The following CPA6 variants were observed in gnomAD, a reference collection of about 807,000 sequenced individuals.
The protein encoded by CPA6 is carboxypeptidase A6.
In CPA6, 58 loss-of-function variants were observed where a neutral mutation model predicts 63.3. The observed-to-expected ratio is 0.92, with a 90% CI of 0.74 to 1.14. The LOEUF is 1.14. Among genes scored for constraint, CPA6 ranks in the 50% most tolerant of loss-of-function variants. The probability of loss-of-function intolerance (pLI) is 0.00; values close to 1 mark genes in which losing one functional copy is unlikely to be tolerated. For missense variants in CPA6, 565 were observed against 526.6 expected, an observed-to-expected ratio of 1.07 and a Z score of -0.71; for synonymous variants, 185 against 179.0, an observed-to-expected ratio of 1.03 and a Z score of -0.27.
chr8:67,670,381 C>T (rs916725373), intron 1 of CPA6, among the ~76,000 whole-genome samples: 4 of 152,106 alleles, frequency 2.6e-5, no homozygotes, highest in Admixed American at 6.5e-5. Context: ...CTTACTATCA[C>T]GAGAGCAGCA....
chr8:67,685,061 C>T (rs1414212700), intron 1 of CPA6, among the ~76,000 whole-genome samples: 3 of 152,088 alleles, frequency 2.0e-5, no homozygotes, highest in African/African-American at 7.2e-5. Context: ...AGTCCCTATA[C>T]CTATACTCTA....
At chr8:67,667,824 G>C (rs971486852) in intron 1 of CPA6, among the ~76,000 whole-genome samples, 1 of 152,248 alleles carries the variant, frequency 6.6e-6, no homozygotes, top group East Asian at 1.9e-4. Context: ...CCAAGACTGG[G>C]CTGCTCACCC....
chr8:67,739,009 C>G (rs1414814181), intron 1 of CPA6, among the ~76,000 whole-genome samples: 5 of 152,196 alleles, frequency 3.3e-5, no homozygotes, highest in Non-Finnish European at 7.3e-5. Flanking sequence ...ACATCCTTTG[C>G]TGCTTTTCAG....
At chr8:67,461,811 C>CG (rs1055926521) in intron 8 of CPA6, among the ~76,000 whole-genome samples, 22 of 152,194 alleles carry the variant, frequency 1.4e-4, no homozygotes, top group African/African-American at 5.3e-4. Flanking sequence ...GCTGGCCGGG[C>CG]GGGGGGCTGA....
intron 1 of CPA6, among the ~76,000 whole-genome samples, chr8:67,672,540 C>G (rs1330322910): frequency 6.6e-6 from 1 of 152,136 alleles, no homozygotes; most frequent in African/African-American, 2.4e-5. Flanking sequence ...TCCACCCTCC[C>G]ATGTCAAGTC....
chr8:67,567,281 C>A (rs1388975111), intron 2 of CPA6, among the ~76,000 whole-genome samples: 1 of 152,168 alleles, frequency 6.6e-6, no homozygotes, highest in Non-Finnish European at 1.5e-5. Context: ...GAAGTTCATG[C>A]AGTTTTGAGA....
chr8:67,662,632 TAC>T (rs1361074857), intron 1 of CPA6, among the ~76,000 whole-genome samples: 3 of 151,032 alleles, frequency 2.0e-5, no homozygotes, highest in South Asian at 2.1e-4. Context: ...ATAGAATACA[TAC>T]ACACATGTAT....
At chr8:67,711,970 C>T (rs537458627) in intron 1 of CPA6, among the ~76,000 whole-genome samples, 17 of 152,136 alleles carry the variant, frequency 1.1e-4, no homozygotes, top group Non-Finnish European at 2.4e-4. Flanking sequence ...TGCACTGGGA[C>T]GGATCCCAGA....
At chr8:67,545,264 A>G (rs1812790553) in intron 2 of CPA6, among the ~76,000 whole-genome samples, 1 of 152,154 alleles carries the variant, frequency 6.6e-6, no homozygotes, top group African/African-American at 2.4e-5. Context: ...ACAGCTCATT[A>G]ATTTCTCCAT....
At chr8:67,472,492 T>C (rs1811086670) in intron 8 of CPA6, among the ~76,000 whole-genome samples, 2 of 152,086 alleles carry the variant, frequency 1.3e-5, no homozygotes, top group South Asian at 4.1e-4. Flanking sequence ...TGGCACAGCC[T>C]GGGCTCAGTG....
At chr8:67,660,136 G>A (rs1433392653) in intron 1 of CPA6, among the ~76,000 whole-genome samples, 2 of 152,034 alleles carry the variant, frequency 1.3e-5, no homozygotes, top group Admixed American at 1.3e-4. Flanking sequence ...TAGCATAATG[G>A]AAAGGCTTTA....
At chr8:67,578,144 GC>G (rs1246691085) in intron 2 of CPA6, among the ~76,000 whole-genome samples, 18 of 152,104 alleles carry the variant, frequency 1.2e-4, no homozygotes, top group African/African-American at 4.3e-4. Context: ...GTCAGATTTT[GC>G]CCCGGACTGT....
rs201108627 is a variant in CPA6 at position 67,644,122 on chromosome 8, A to ATT, written c.117-19873_117-19872dup. Among the ~76,000 whole-genome samples, 104 of 144,330 alleles carry ATT rather than the reference A, an allele frequency of 7.2e-4. 1 individual carries two copies. Among genetic ancestry groups the ATT allele is most frequent in the South Asian group, 3.8e-3 (17 of 4,528 alleles). The allele number at this position is 144,330 out of a possible 152,430, so 94.7% of individuals were successfully genotyped here. The stretch of plus-strand genomic sequence containing the variant: ...AAACTCATTTCATTATTGCTGTCTT[A>ATT]TTTTTTTTTTTTTTGAGACAGAGTC... On this transcript the variant is annotated intron_variant, in intron 1 of 10. Coordinates refer to ENST00000297770, the MANE Select transcript of CPA6 (RefSeq NM_020361.5).
At chr8:67,554,881 C>T (rs887123766) in intron 2 of CPA6, among the ~76,000 whole-genome samples, 2 of 152,144 alleles carry the variant, frequency 1.3e-5, no homozygotes, top group South Asian at 4.1e-4. Context: ...GAGGGTAGAT[C>T]TTCTCCACTC....
intron 1 of CPA6, among the ~76,000 whole-genome samples, chr8:67,730,346 G>A (rs765983014): frequency 7.2e-5 from 11 of 152,320 alleles, no homozygotes; most frequent in Middle Eastern, 3.4e-3. Flanking sequence ...GAGGCATAGG[G>A]CAAGGTATGT....
chr8:67,465,403 G>A (rs1810902907), intron 8 of CPA6, among the ~76,000 whole-genome samples: 1 of 152,108 alleles, frequency 6.6e-6, no homozygotes, highest in Non-Finnish European at 1.5e-5. Context: ...TTTTGGTAGA[G>A]TCTTTAGAGT....
chr8:67,629,348 G>C (rs1312050255), intron 1 of CPA6, among the ~76,000 whole-genome samples: 1 of 151,526 alleles, frequency 6.6e-6, no homozygotes, highest in South Asian at 2.1e-4. Flanking sequence ...GGGCATCATG[G>C]CACATACATA....
chr8:67,465,949 C>G (rs1489042561), intron 8 of CPA6, among the ~76,000 whole-genome samples: 1 of 152,052 alleles, frequency 6.6e-6, no homozygotes, highest in Non-Finnish European at 1.5e-5. Flanking sequence ...AATTTGGTAT[C>G]AGGGTGATGC....
chr8:67,599,641 AT>A (rs1814440704), intron 2 of CPA6, among the ~76,000 whole-genome samples: 1 of 152,232 alleles, frequency 6.6e-6, no homozygotes, highest in South Asian at 2.1e-4. Context: ...GCCAATGCTG[AT>A]TTGGTAAGAA....
Sources: allele counts gnomAD v4.1 joint callset (sites outside exome capture counted in the v4.1 genomes callset), GRCh38; gene constraint gnomAD v4.1.1; transcripts MANE v1.5; gene names NCBI Gene and HGNC (gene_info 2026-07-23, HGNC 2026-07-21).